CRB1: variants seen among roughly 807,000 people sequenced by gnomAD.
CRB1 encodes the protein protein crumbs homolog 1.
In CRB1, 83 loss-of-function variants were observed where a neutral mutation model predicts 120.0. The observed-to-expected ratio is 0.69, with a 90% CI of 0.58 to 0.83. CRB1 has a LOEUF of 0.83. Among genes scored for constraint, CRB1 ranks in the 40% least tolerant of loss-of-function variants. CRB1 has a pLI of 0.00. For missense variants in CRB1, 1,699 were observed against 1,687.6 expected (o/e 1.01, Z -0.12); for synonymous variants, 625 against 612.5 (o/e 1.02, Z -0.30).
At chr1:197,231,732 A>G in the CRB1 span, among the ~76,000 whole-genome samples, 1 of 152,186 alleles carries the variant, frequency 6.6e-6, no homozygotes, top group East Asian at 1.9e-4. Context: ...CCTAGTTTCC[A>G]TGGAAGGCCT....
intron 5 of CRB1, among the ~76,000 whole-genome samples, chr1:197,406,251 G>T (rs928602200): frequency 4.6e-5 from 7 of 152,128 alleles, no homozygotes; most frequent in Non-Finnish European, 1.0e-4. Flanking sequence ...TTCTGCCTTG[G>T]GATCTTCTTG....
At chr1:197,434,675 G>T (rs896437585) in intron 8 of CRB1, 31 bp from the exon 9 acceptor site, 1 of 1,577,914 alleles carries the variant, frequency 6.3e-7, no homozygotes, top group Non-Finnish European at 8.7e-7. Flanking sequence ...ATTTAATAAA[G>T]TTATTGATTA....
intron 5 of CRB1, among the ~76,000 whole-genome samples, chr1:197,400,471 AT>A (rs5779868): frequency 0.079 from 11,590 of 146,774 alleles, 537 homozygotes; most frequent in Non-Finnish European, 0.098. Flanking sequence ...GTAAAAGAGC[AT>A]TTTTTTTTTT....
intron 5 of CRB1, among the ~76,000 whole-genome samples, chr1:197,369,494 C>T (rs546819176): frequency 9.9e-5 from 15 of 152,196 alleles, no homozygotes; most frequent in African/African-American, 3.4e-4. Flanking sequence ...ATTACATATC[C>T]CTTTCTCAAA....
At chr1:197,403,110 G>T (rs1398908127) in intron 5 of CRB1, among the ~76,000 whole-genome samples, 1 of 152,012 alleles carries the variant, frequency 6.6e-6, no homozygotes, top group Non-Finnish European at 1.5e-5. Flanking sequence ...CCAGATTTTG[G>T]GTTTTCTTCC....
intron 4 of CRB1, among the ~76,000 whole-genome samples, chr1:197,353,511 GTTTCT>G (rs1660226338): frequency 6.6e-6 from 1 of 152,144 alleles, no homozygotes; most frequent in Admixed American, 6.5e-5. Context: ...GTTGAATTGT[GTTTCT>G]TTAAAAATAT....
chr1:197,405,973 G>C (rs1422757366), intron 5 of CRB1, among the ~76,000 whole-genome samples: 2 of 150,294 alleles, frequency 1.3e-5, no homozygotes, highest in African/African-American at 4.9e-5. Flanking sequence ...CCCCCCGCCC[G>C]GCCAGCCGCC....
At chr1:197,429,362 TAAAAAA>T in intron 7 of CRB1, 81 bp from the exon 8 acceptor site, 1 of 1,512,732 alleles carries the variant, frequency 6.6e-7, no homozygotes, top group South Asian at 1.1e-5. Flanking sequence ...ATTAGCATTT[TAAAAAA>T]ACAGATATGT....
chr1:197,453,368 T>C (rs1266724947), intron 11 of CRB1, among the ~76,000 whole-genome samples: 1 of 147,350 alleles, frequency 6.8e-6, no homozygotes, highest in Non-Finnish European at 1.5e-5. Flanking sequence ...ATATACATAA[T>C]TAAATTATAT....
chr1:197,207,248 C>A, the CRB1 span, among the ~76,000 whole-genome samples: 24 of 151,404 alleles, frequency 1.6e-4, no homozygotes, highest in African/African-American at 5.1e-4. Flanking sequence ...CTATTCTATT[C>A]ATTGTGCTAT....
chr1:197,308,804 A>C (rs1657327375), intron 1 of CRB1, among the ~76,000 whole-genome samples: 1 of 151,490 alleles, frequency 6.6e-6, no homozygotes, highest in African/African-American at 2.4e-5. Flanking sequence ...CAATATAATA[A>C]ATGCTTTTAT....
At chr1:197,263,214 T>A (rs988493705), upstream of CRB1, among the ~76,000 whole-genome samples, 1 of 152,174 alleles carries the variant, frequency 6.6e-6, no homozygotes, top group Non-Finnish European at 1.5e-5. Context: ...TAAAAAAAAA[T>A]ATTCTTTCTG....
At chr1:197,393,510 G>A (rs866223816) in intron 5 of CRB1, among the ~76,000 whole-genome samples, 1 of 140,646 alleles carries the variant, frequency 7.1e-6, no homozygotes, top group Non-Finnish European at 1.6e-5. Flanking sequence ...TTAATTTCTT[G>A]AAAAGTAGTC....
chr1:197,247,891 A>T, the CRB1 span, among the ~76,000 whole-genome samples: 7 of 152,184 alleles, frequency 4.6e-5, no homozygotes, highest in African/African-American at 1.7e-4. Context: ...TTCACCTTAA[A>T]TCATCTAATT....
At chr1:197,376,718 C>G (rs1661666588) in intron 5 of CRB1, among the ~76,000 whole-genome samples, 2 of 152,164 alleles carry the variant, frequency 1.3e-5, no homozygotes, top group African/African-American at 4.8e-5. Context: ...CCATTCTTGA[C>G]TTTCTAAATC....
rs62636284 is a variant in CRB1, at chr1:197,435,034, C to T, written c.3171C>T (p.Asn1057=). 6.4e-5 allele frequency: 104 copies of T among 1,613,930 alleles called. No individual in the cohort carries two copies. Among genetic ancestry groups the T allele is most frequent in the South Asian group, 4.8e-4 (44 of 91,086 alleles). Residue 1057 remains asparagine (N), a synonymous_variant, in exon 9 of 12, where the codon AAC becomes AAT. Coordinates refer to ENST00000367400, the MANE Select transcript of CRB1 (RefSeq NM_201253.3). ...CCAGGTGGCAAATGGAAGTGGACAA[C>T]GAAACACCTTTTGTGACCAGCACAA... ...QTSRWQMEVD[N]ETPFVTSTIA...
intron 11 of CRB1, among the ~76,000 whole-genome samples, chr1:197,462,020 C>T (rs547457932): frequency 8.5e-5 from 13 of 152,210 alleles, no homozygotes; most frequent in South Asian, 4.1e-4. Flanking sequence ...AGGAACTCAT[C>T]GCGGAGGACA....
At chr1:197,341,575 T>C (rs1389172028) in intron 2 of CRB1, among the ~76,000 whole-genome samples, 2 of 151,934 alleles carry the variant, frequency 1.3e-5, no homozygotes, top group African/African-American at 4.8e-5. Context: ...GGTCTGGAGG[T>C]ACAGAATGCT....
intron 1 of CRB1, among the ~76,000 whole-genome samples, chr1:197,324,987 A>G (rs1055604165): frequency 1.3e-5 from 2 of 152,178 alleles, no homozygotes; most frequent in African/African-American, 4.8e-5. Flanking sequence ...GGATTCTATC[A>G]CGCAGTACAT....
Sources: allele counts gnomAD v4.1 joint callset (sites outside exome capture counted in the v4.1 genomes callset), GRCh38; gene constraint gnomAD v4.1.1; transcripts MANE v1.5; gene names NCBI Gene and HGNC (gene_info 2026-07-23, HGNC 2026-07-21).